The following IL6ST variants were observed in gnomAD, a reference collection of about 807,000 sequenced individuals.
IL6ST encodes interleukin 6 cytokine family signal transducer, also known as interleukin-6 receptor subunit beta.
A neutral mutation model predicts 91.3 loss-of-function variants in IL6ST; 24 were observed. The observed-to-expected ratio is 0.26, with a 90% CI of 0.19 to 0.37. The LOEUF (loss-of-function observed/expected upper bound fraction) is 0.37. Among genes scored for constraint, IL6ST ranks in the 10% least tolerant of loss-of-function variants. The pLI is 1.00. For synonymous variants in IL6ST, 351 were observed against 373.6 expected, an observed-to-expected ratio of 0.94 and a Z score of 0.70; for missense variants, 914 against 1,078.5, an observed-to-expected ratio of 0.85 and a Z score of 2.14.
In IL6ST at chr5:55,939,319, G is replaced by A; in HGVS notation, c.*1763C>T. ...TATTAATCTACTTTTGCCTAAAGTG[G>A]GAAACTGAATATATCAGAATGAAAC... On this transcript the variant is annotated 3_prime_UTR_variant, in exon 17 of 17. Coordinates refer to ENST00000381298, the MANE Select transcript of IL6ST (RefSeq NM_002184.4). 4.9e-6 allele frequency: 1 copy of A among 204,274 alleles called. No individual in the cohort carries two copies. The highest frequency in any genetic ancestry group is 7.5e-5 in the East Asian group (1 of 13,332). The allele number at this position is 204,274 out of a possible 1,614,324, so 12.7% of individuals were successfully genotyped here. A position where few individuals can be genotyped will look rare whatever the true frequency, so the allele number is the denominator to read the frequency against.
rs201820887 is a variant in IL6ST at position 55,952,104 on chromosome 5, T to C, written c.1553-29A>G. The C allele has an allele frequency of 4.4e-5, 70 of 1,591,190 alleles. No individual in the cohort carries two copies. In the African/African-American group the frequency reaches 7.9e-4, roughly 18 times the overall value. ...TAACAGAGTGAACACATTTGCTAAC[T>C]GAAAATCATTTACAATCTAGTAAAA... is the stretch of plus-strand genomic sequence containing the variant. On this transcript the variant is annotated intron_variant, in intron 12 of 16. Coordinates refer to ENST00000381298, the MANE Select transcript of IL6ST (RefSeq NM_002184.4).
At position 55,941,845 on chromosome 5, in the gene IL6ST, G is replaced by A. The variant is rs11574781; in HGVS notation, c.2020-26C>T. 10,662 of 1,578,946 alleles carry A rather than the reference G, an allele frequency of 6.8e-3. 42 individuals carry two copies. Among genetic ancestry groups the A allele is most frequent in the Non-Finnish European group, 7.8e-3 (9,004 of 1,161,176 alleles). On this transcript the variant is annotated intron_variant, in intron 16 of 16. Transcript: ENST00000381298. ...CTAAGGAAGAGAAAAAATTGTATATGGCAAGTATTAGTTAAAGCCACAGAG... is the reference window on the plus strand; with the variant it reads ...CTAAGGAAGAGAAAAAATTGTATATAGCAAGTATTAGTTAAAGCCACAGAG...
chr5:55,967,175 T>C (rs1010005359), intron 5 of IL6ST, among the ~76,000 whole-genome samples: 1 of 151,396 alleles, frequency 6.6e-6, no homozygotes, highest in African/African-American at 2.4e-5. Context: ...CTGGGCATGG[T>C]GGCACATGCC....
chr5:55,954,708 T>C, intron 11 of IL6ST, 102 bp downstream of exon 11: 2 of 770,136 alleles, frequency 2.6e-6, no homozygotes, highest in Admixed American at 2.7e-5. Flanking sequence ...CTATGATAAA[T>C]TGGAAGTCGT....
intron 1 of IL6ST, among the ~76,000 whole-genome samples, chr5:55,986,173 TTC>T (rs1753957047): frequency 6.6e-6 from 1 of 152,246 alleles, no homozygotes; most frequent in African/African-American, 2.4e-5. Flanking sequence ...CTTACTGATT[TTC>T]TGACTACTAC....
chr5:55,990,865 A>T (rs971986315), intron 1 of IL6ST, among the ~76,000 whole-genome samples: 3 of 150,866 alleles, frequency 2.0e-5, no homozygotes, highest in African/African-American at 7.3e-5. Context: ...CATTAGGTAT[A>T]TCTCCTAATG....
chr5:55,960,686 G>T, intron 7 of IL6ST, 125 bp from the exon 8 acceptor site: 1 of 781,024 alleles, frequency 1.3e-6, no homozygotes, highest in Non-Finnish European at 2.0e-6. Flanking sequence ...GGAGTGCAGT[G>T]GTGCGATCTT....
At chr5:55,943,395 A>G (rs1012788178) in intron 15 of IL6ST, among the ~76,000 whole-genome samples, 3 of 152,222 alleles carry the variant, frequency 2.0e-5, no homozygotes, top group Non-Finnish European at 2.9e-5. Context: ...GCAAAAGGAA[A>G]CAATTGTATT....
chr5:55,992,208 A>G (rs574719287), intron 1 of IL6ST, among the ~76,000 whole-genome samples: 21 of 152,310 alleles, frequency 1.4e-4, no homozygotes, highest in Non-Finnish European at 2.5e-4. Flanking sequence ...ATTGTTTCAC[A>G]TATCTTGATA....
intron 7 of IL6ST, among the ~76,000 whole-genome samples, chr5:55,962,022 T>G (rs1010776424): frequency 6.6e-6 from 1 of 152,204 alleles, no homozygotes. Context: ...TTCCTGGCTT[T>G]TAAACTTGGC....
intron 14 of IL6ST, among the ~76,000 whole-genome samples, chr5:55,947,816 T>C (rs1222226678): frequency 3.9e-5 from 6 of 152,186 alleles, no homozygotes; most frequent in African/African-American, 1.4e-4. Context: ...CCTGGCCGCA[T>C]AGCATAAAAT....
intron 1 of IL6ST, among the ~76,000 whole-genome samples, chr5:55,989,150 C>A (rs1367174701): frequency 1.6e-5 from 2 of 123,728 alleles, no homozygotes; most frequent in African/African-American, 4.1e-5. Context: ...AAAAAAAAGT[C>A]TCGCAGAAAA....
chr5:55,969,864 G>C lies in IL6ST; in HGVS notation c.65-9C>G, dbSNP rs771055420. ...TGGATCTAGAAGTTCACCTAAAAAG[G>C]AACAATAGAAAATATATAAATGGAC... On this transcript the variant is annotated splice_polypyrimidine_tract_variant and intron_variant, in intron 3 of 16. Coordinates refer to ENST00000381298, the MANE Select transcript of IL6ST (RefSeq NM_002184.4). 19 of 1,554,072 alleles carry C rather than the reference G, an allele frequency of 1.2e-5. No individual in the cohort carries two copies. The highest frequency in any genetic ancestry group is 1.1e-4 in the African/African-American group (8 of 73,078).
chr5:55,941,197 G>A lies in IL6ST; in HGVS notation c.2642C>T (p.Thr881Ile). Reference protein sequence around the residue: ...VSAADAFGPGTEGQVERFETV... With the variant: ...VSAADAFGPGIEGQVERFETV... Reference sequence around the variant, plus strand: ...TTCAAATCTTTCTACTTGTCCCTCAGTACCTGGACCAAAAGCATCTGCTGC... The same window carrying A: ...TTCAAATCTTTCTACTTGTCCCTCAATACCTGGACCAAAAGCATCTGCTGC... The change falls in exon 17 of 17, where the codon ACT becomes ATT. Residue 881 changes from threonine (T) to isoleucine (I), a missense_variant. By Grantham distance (89) the Thr-to-Ile change is moderately conservative. Coordinates refer to ENST00000381298, the MANE Select transcript of IL6ST (RefSeq NM_002184.4). 1 of 1,614,072 alleles carries A rather than the reference G, an allele frequency of 6.2e-7. No individual in the cohort carries two copies. The highest frequency in any genetic ancestry group is 8.5e-7 in the Non-Finnish European group (1 of 1,179,982).
intron 2 of IL6ST, among the ~76,000 whole-genome samples, chr5:55,980,326 G>T (rs1014771592): frequency 6.6e-6 from 1 of 152,180 alleles, no homozygotes; most frequent in Non-Finnish European, 1.5e-5. Context: ...GAGGTGGGTG[G>T]ATCATCTGAG....
intron 2 of IL6ST, among the ~76,000 whole-genome samples, chr5:55,981,440 C>G (rs1231393442): frequency 6.6e-6 from 1 of 152,064 alleles, no homozygotes; most frequent in Non-Finnish European, 1.5e-5. Flanking sequence ...GTCAGGAGTT[C>G]AAGACGAGCC....
Position 55,939,113 on chromosome 5 carries a change from G to GA in IL6ST, c.*1968dup, listed in dbSNP as rs1274608137. 9.7e-6 allele frequency: 2 copies of GA among 207,118 alleles called. No individual in the cohort carries two copies. The highest frequency in any genetic ancestry group is 4.6e-5 in the African/African-American group (2 of 43,922). The allele number at this position is 207,118 out of a possible 1,614,324, so 12.8% of individuals were successfully genotyped here. A position where few individuals can be genotyped will look rare whatever the true frequency, so the allele number is the denominator to read the frequency against. On this transcript the variant is annotated 3_prime_UTR_variant, in exon 17 of 17. Coordinates refer to ENST00000381298, the MANE Select transcript of IL6ST (RefSeq NM_002184.4). ...ATTAGTCATGTGACTTAAATTTTGA[G>GA]AAAATGGAAAATGTAATAGGTATAA...
intron 7 of IL6ST, among the ~76,000 whole-genome samples, chr5:55,962,038 G>GA (rs376541728): frequency 2.2e-4 from 34 of 151,982 alleles, no homozygotes; most frequent in African/African-American, 8.2e-4. Flanking sequence ...TTGGCTTTCA[G>GA]AAAAAAAGAG....
chr5:55,952,419 AT>A, intron 11 of IL6ST, 68 bp from the exon 12 acceptor site: 2 of 825,874 alleles, frequency 2.4e-6, no homozygotes, highest in Non-Finnish European at 1.9e-6. Flanking sequence ...ACCGTAATTT[AT>A]TTTTACATTA....
Sources: gnomAD v4.1 joint callset for allele counts (sites outside exome capture counted in the v4.1 genomes callset) on GRCh38, gnomAD v4.1.1 for gene constraint, MANE v1.5 for transcripts, NCBI Gene and HGNC (gene_info 2026-07-23, HGNC 2026-07-21) for gene names.